Variants in TBL1X observed in about 807,000 individuals in gnomAD.
TBL1X encodes transducin beta like 1 X-linked.
A neutral mutation model predicts 50.7 loss-of-function variants in TBL1X; 10 were observed. The ratio of observed to expected loss-of-function variants is 0.20; its 90% confidence interval spans 0.12 to 0.33. The LOEUF is 0.33. Among genes scored for constraint, TBL1X ranks in the 10% least tolerant of loss-of-function variants. The pLI is 1.00. For missense variants in TBL1X, 340 were observed against 504.4 expected (o/e 0.67, Z 3.12); for synonymous variants, 190 against 214.7 (o/e 0.88, Z 1.01).
At chrX:9,513,182 T>C (rs894681417) in intron 2 of TBL1X, among the ~76,000 whole-genome samples, 1 of 111,105 alleles carries the variant, frequency 9.0e-6, no homozygotes, top group African/African-American at 3.3e-5. Context: ...CCTCTCTGCT[T>C]TTTTATTTTT....
rs771428634 is a variant in TBL1X, at chrX:9,468,089, A to G, written c.-201+2642A>G. 1.4e-3 allele frequency among the ~76,000 whole-genome samples: 153 copies of G among 112,425 alleles called. 1 individual carries two copies. Among genetic ancestry groups the G allele is most frequent in the Non-Finnish European group, 2.6e-3 (137 of 53,281 alleles). On this transcript the variant is annotated intron_variant, in intron 1 of 17. Coordinates refer to ENST00000645353, the MANE Select transcript of TBL1X (RefSeq NM_005647.4). Reference sequence around the variant, plus strand: ...AAACCGTTACAAATGGAATTGGAACAAATTTAAAGTTAAGATGGAAGAGAG... The same window carrying G: ...AAACCGTTACAAATGGAATTGGAACGAATTTAAAGTTAAGATGGAAGAGAG...
intron 12 of TBL1X, among the ~76,000 whole-genome samples, chrX:9,701,154 G>C (rs766787002): frequency 9.0e-6 from 1 of 111,288 alleles, no homozygotes; most frequent in Non-Finnish European, 1.9e-5. Context: ...TGCCAGCGTC[G>C]ATACAACGCT....
chrX:9,704,012 C>G (rs190288823), intron 12 of TBL1X, among the ~76,000 whole-genome samples: 2 of 111,734 alleles, frequency 1.8e-5, no homozygotes, highest in East Asian at 5.7e-4. Context: ...GGATTCCCAG[C>G]TGCCATCCTA....
At position 9,563,641 on chromosome X, in the gene TBL1X, G is replaced by A. The variant is rs561525699; in HGVS notation, c.-131+61792G>A. On this transcript the variant is annotated intron_variant, in intron 2 of 17. Coordinates refer to ENST00000645353, the MANE Select transcript of TBL1X (RefSeq NM_005647.4). ...AAGCTTAACTAAGATTAAGTAAAAT[G>A]TAAAATTCAGTTTGTCTCACACTAG... Among the ~76,000 whole-genome samples the A allele has an allele frequency of 1.2e-4, 14 of 112,554 alleles. No individual in the cohort carries two copies. The South Asian group carries it at 4.7e-3, about 38-fold the overall frequency.
At chrX:9,494,712 C>T (rs1165508151) in intron 1 of TBL1X, among the ~76,000 whole-genome samples, 1 of 112,109 alleles carries the variant, frequency 8.9e-6, no homozygotes, top group Non-Finnish European at 1.9e-5. Context: ...TACATTTGGT[C>T]CTTTTAGAAT....
At chrX:9,646,039 TA>T (rs780014260) in intron 3 of TBL1X, among the ~76,000 whole-genome samples, 1 of 112,878 alleles carries the variant, frequency 8.9e-6, no homozygotes, top group Non-Finnish European at 1.9e-5. Flanking sequence ...CTTTATTTGT[TA>T]AACCTATAAA....
At chrX:9,625,854 G>C (rs1253507218) in intron 2 of TBL1X, among the ~76,000 whole-genome samples, 2 of 112,198 alleles carry the variant, frequency 1.8e-5, no homozygotes, top group African/African-American at 6.5e-5. Flanking sequence ...CAGGAGAATC[G>C]CTTGAACCCG....
intron 2 of TBL1X, among the ~76,000 whole-genome samples, chrX:9,542,791 A>T (rs2082221648): frequency 8.9e-6 from 1 of 111,918 alleles, no homozygotes; most frequent in African/African-American, 3.3e-5. Context: ...TTTGTTGTTC[A>T]TAAGAGCCCC....
intron 3 of TBL1X, among the ~76,000 whole-genome samples, chrX:9,644,426 C>T (rs2082791577): frequency 9.0e-6 from 1 of 111,306 alleles, no homozygotes; most frequent in Admixed American, 9.5e-5. Flanking sequence ...TGCTCTTTTT[C>T]TTACATGCAT....
chrX:9,490,754 A>G (rs2081936905), intron 1 of TBL1X, among the ~76,000 whole-genome samples: 1 of 112,144 alleles, frequency 8.9e-6, no homozygotes, highest in African/African-American at 3.2e-5. Context: ...TAATTAAAAA[A>G]TATGTTCTGC....
chrX:9,478,617 G>A lies in TBL1X; in HGVS notation c.-201+13170G>A, dbSNP rs2081862110. On this transcript the variant is annotated intron_variant, in intron 1 of 17. Transcript: ENST00000645353. The stretch of plus-strand genomic sequence containing the variant: ...CTGTAACACTAATGGGAGGCCATCA[G>A]GATGGGGGAGGAGAGGAGCCTGATT... Among the ~76,000 whole-genome samples, 4 of 111,687 alleles carry A rather than the reference G, an allele frequency of 3.6e-5. No individual in the cohort carries two copies. The South Asian group carries it at 1.5e-3, about 42-fold the overall frequency.
At chrX:9,548,268 G>A (rs906373187) in intron 2 of TBL1X, among the ~76,000 whole-genome samples, 13 of 111,182 alleles carry the variant, frequency 1.2e-4, no homozygotes, top group African/African-American at 3.9e-4. Context: ...AAACGTTTAC[G>A]TGGTCCAAAG....
At chrX:9,659,240 T>C (rs1411470987) in intron 5 of TBL1X, among the ~76,000 whole-genome samples, 1 of 112,485 alleles carries the variant, frequency 8.9e-6, no homozygotes, top group Non-Finnish European at 1.9e-5. Flanking sequence ...ACCCTCAAAA[T>C]TGCCTTGTAT....
intron 1 of TBL1X, among the ~76,000 whole-genome samples, chrX:9,472,425 T>C (rs2081821471): frequency 1.2e-5 from 1 of 81,754 alleles, no homozygotes; most frequent in Non-Finnish European, 2.4e-5. Context: ...ATGTCCAGCT[T>C]TTTTTTTTTC....
intron 2 of TBL1X, among the ~76,000 whole-genome samples, chrX:9,523,960 CTTTTTT>C (rs63038662): frequency 2.5e-5 from 1 of 40,790 alleles, no homozygotes; most frequent in Admixed American, 3.9e-4. Context: ...TCATTTTAAC[CTTTTTT>C]TTTTTTTTTT....
intron 3 of TBL1X, among the ~76,000 whole-genome samples, chrX:9,642,492 G>A (rs1198806356): frequency 1.8e-5 from 2 of 111,774 alleles, no homozygotes; most frequent in South Asian, 3.7e-4. Flanking sequence ...GGCATCCATC[G>A]CAGACCCTGG....
chrX:9,570,932 C>G (rs1372942109), intron 2 of TBL1X, among the ~76,000 whole-genome samples: 1 of 111,500 alleles, frequency 9.0e-6, no homozygotes. Context: ...CCGCCTCGGC[C>G]TCCCAAAGTG....
Position 9,716,623 on chromosome X carries a change from C to A in TBL1X, c.*377C>A, listed in dbSNP as rs1601861345. On this transcript the variant is annotated 3_prime_UTR_variant, in exon 18 of 18. Transcript: ENST00000645353. ...AAAAAAAGCAAAATGCTGTGATAAACCAAACAGGGAAGGGGGAAAAACCCT... is the reference window on the plus strand; with the variant it reads ...AAAAAAAGCAAAATGCTGTGATAAAACAAACAGGGAAGGGGGAAAAACCCT... 7.9e-6 allele frequency: 1 copy of A among 127,057 alleles called. No individual in the cohort carries two copies. Among genetic ancestry groups the A allele is most frequent in the Non-Finnish European group, 1.5e-5 (1 of 65,678 alleles). 10.5% of individuals were successfully genotyped at this position (127,057 alleles called of 1,213,427 possible). A position where few individuals can be genotyped will look rare whatever the true frequency, so the allele number is the denominator to read the frequency against.
intron 1 of TBL1X, among the ~76,000 whole-genome samples, chrX:9,474,412 G>C (rs914102899): frequency 8.8e-6 from 1 of 113,341 alleles, no homozygotes; most frequent in Admixed American, 9.3e-5. Context: ...GTGTGCGTTT[G>C]CACGCACATG....
Sources: gnomAD v4.1 joint callset for allele counts (sites outside exome capture counted in the v4.1 genomes callset) on GRCh38, gnomAD v4.1.1 for gene constraint, MANE v1.5 for transcripts, NCBI Gene and HGNC (gene_info 2026-07-23, HGNC 2026-07-21) for gene names.